FHL5: variants seen among roughly 807,000 people sequenced by gnomAD.
The protein encoded by FHL5 is four and a half LIM domains 5, also known as four and a half LIM domains protein 5.
In FHL5, 33 loss-of-function variants were observed where a neutral mutation model predicts 32.0. The ratio of observed to expected loss-of-function variants is 1.03; its 90% CI spans 0.78 to 1.38. FHL5 has a LOEUF of 1.38. FHL5 is among the 40% of genes most tolerant of loss of function. FHL5 has a pLI of 0.00. For synonymous variants in FHL5, 114 were observed against 113.6 expected (o/e 1.00, Z -0.02); for missense variants, 336 against 343.9 (o/e 0.98, Z 0.18).
intron 1 of FHL5, among the ~76,000 whole-genome samples, chr6:96,596,194 G>C (rs1293926734): frequency 6.6e-6 from 1 of 151,970 alleles, no homozygotes; most frequent in East Asian, 1.9e-4. Context: ...ACATCCTCAG[G>C]ACAAATGGCT....
chr6:96,603,166 A>G (rs1771192567), intron 1 of FHL5, among the ~76,000 whole-genome samples: 1 of 152,208 alleles, frequency 6.6e-6, no homozygotes, highest in Non-Finnish European at 1.5e-5. Flanking sequence ...TATTTGAGTA[A>G]AAAAGACTGT....
intron 1 of FHL5, among the ~76,000 whole-genome samples, chr6:96,588,881 T>TA (rs3884105): frequency 0.22 from 33,516 of 150,850 alleles, 3,783 homozygotes; most frequent in Middle Eastern, 0.3. Flanking sequence ...GCAATTCTTT[T>TA]AAAAAAAAAG....
At chr6:96,592,110 T>C (rs968860959) in intron 1 of FHL5, among the ~76,000 whole-genome samples, 1 of 152,040 alleles carries the variant, frequency 6.6e-6, no homozygotes, top group African/African-American at 2.4e-5. Context: ...GGAGACAGGG[T>C]TTGAGAGCAA....
chr6:96,567,687 T>C (rs539443977), intron 1 of FHL5, among the ~76,000 whole-genome samples: 20 of 151,972 alleles, frequency 1.3e-4, no homozygotes, highest in Middle Eastern at 3.4e-3. Flanking sequence ...CAGTTTTTAT[T>C]GTAGAGATCT....
intron 1 of FHL5, among the ~76,000 whole-genome samples, chr6:96,603,079 C>G (rs923209296): frequency 6.6e-6 from 1 of 151,902 alleles, no homozygotes; most frequent in African/African-American, 2.4e-5. Context: ...TGTGCAGAGC[C>G]CTTATTAGGT....
chr6:96,572,214 G>A (rs2971600), intron 1 of FHL5, among the ~76,000 whole-genome samples: 1,856 of 152,234 alleles, frequency 0.012, 43 homozygotes, highest in African/African-American at 0.043. Flanking sequence ...CTTGGGATGC[G>A]GGGCATCAGT....
At chr6:96,595,418 T>C (rs902147648) in intron 1 of FHL5, among the ~76,000 whole-genome samples, 5 of 151,816 alleles carry the variant, frequency 3.3e-5, no homozygotes, top group Admixed American at 2.0e-4. Flanking sequence ...ATCTTTACTA[T>C]GATGTGTTTG....
intron 4 of FHL5, among the ~76,000 whole-genome samples, chr6:96,607,750 A>G (rs985601225): frequency 3.3e-5 from 5 of 152,060 alleles, no homozygotes; most frequent in African/African-American, 1.2e-4. Context: ...TGGAAAGCCA[A>G]GGTGGGAAGA....
intron 1 of FHL5, among the ~76,000 whole-genome samples, chr6:96,580,700 G>T (rs1770679716): frequency 6.6e-6 from 1 of 152,158 alleles, no homozygotes; most frequent in Non-Finnish European, 1.5e-5. Context: ...TATATGGTTA[G>T]TCTTGGCATA....
chr6:96,573,034 G>A (rs1351419660), intron 1 of FHL5, among the ~76,000 whole-genome samples: 1 of 151,490 alleles, frequency 6.6e-6, no homozygotes, highest in African/African-American at 2.4e-5. Flanking sequence ...TTAGAAAGAA[G>A]ATTAACCGTT....
intron 1 of FHL5, among the ~76,000 whole-genome samples, chr6:96,567,825 C>CTTTTTTTTTTTTTT (rs757441385): frequency 8.1e-5 from 9 of 110,536 alleles, no homozygotes; most frequent in Non-Finnish European, 1.3e-4. Flanking sequence ...TTTTTGTATT[C>CTTTTTTTTTTTTTT]TTTTTTTTTT....
intron 1 of FHL5, among the ~76,000 whole-genome samples, chr6:96,564,493 G>A (rs749627207): frequency 1.3e-5 from 2 of 152,082 alleles, no homozygotes; most frequent in African/African-American, 2.4e-5. Context: ...GTAGATTTGT[G>A]TTTTAATATA....
intron 1 of FHL5, among the ~76,000 whole-genome samples, chr6:96,602,411 C>CTATATGCGT (rs1183812274): frequency 4.1e-5 from 4 of 98,674 alleles, no homozygotes; most frequent in African/African-American, 1.5e-4. Context: ...ACCTGGAAAT[C>CTATATGCGT]TATATGCGTT....
At chr6:96,571,716 G>A (rs1227452525) in intron 1 of FHL5, among the ~76,000 whole-genome samples, 1 of 152,136 alleles carries the variant, frequency 6.6e-6, no homozygotes, top group East Asian at 1.9e-4. Context: ...CCTGACTCCA[G>A]GGAATAAGGA....
chr6:96,565,431 A>C (rs894613193), intron 1 of FHL5, among the ~76,000 whole-genome samples: 2 of 152,134 alleles, frequency 1.3e-5, no homozygotes, highest in Non-Finnish European at 2.9e-5. Flanking sequence ...ATAGAATTTT[A>C]TATTAGAATA....
chr6:96,604,623 C>T, intron 2 of FHL5, 127 bp from the exon 3 acceptor site: 1 of 592,440 alleles, frequency 1.7e-6, no homozygotes, highest in East Asian at 3.3e-5. Flanking sequence ...GTTTCAGTAA[C>T]AACTTTCCCT....
At chr6:96,595,050 G>T (rs977808688) in intron 1 of FHL5, among the ~76,000 whole-genome samples, 1 of 151,698 alleles carries the variant, frequency 6.6e-6, no homozygotes, top group Admixed American at 6.6e-5. Flanking sequence ...CGAGGTCTTT[G>T]CTCCTTATTC....
At chr6:96,566,031 T>C (rs1228615645) in intron 1 of FHL5, among the ~76,000 whole-genome samples, 1 of 152,056 alleles carries the variant, frequency 6.6e-6, no homozygotes, top group African/African-American at 2.4e-5. Flanking sequence ...CTTCTAGCTA[T>C]TTGAAAATAT....
At chr6:96,565,573 T>C (rs1328207601) in intron 1 of FHL5, among the ~76,000 whole-genome samples, 1 of 152,184 alleles carries the variant, frequency 6.6e-6, no homozygotes, top group Non-Finnish European at 1.5e-5. Flanking sequence ...ATATTCATTT[T>C]GCCAAAGGAA....
Sources: allele counts gnomAD v4.1 joint callset (sites outside exome capture counted in the v4.1 genomes callset), GRCh38; gene constraint gnomAD v4.1.1; transcripts MANE v1.5; gene names NCBI Gene and HGNC (gene_info 2026-07-23, HGNC 2026-07-21).